The following KAZN variants were observed in gnomAD, a reference collection of about 807,000 sequenced individuals.
KAZN encodes the protein kazrin.
Under a neutral mutation model 87.4 loss-of-function variants are expected in KAZN, and 40 were observed. The observed-to-expected ratio is 0.46, with a 90% CI of 0.36 to 0.60. KAZN has a LOEUF of 0.60. KAZN is among the 20% of genes least tolerant of loss of function. The probability of loss-of-function intolerance (pLI) is 0.00; values close to 1 mark genes in which losing one functional copy is unlikely to be tolerated. For synonymous variants in KAZN, 466 were observed against 458.3 expected, an observed-to-expected ratio of 1.02 and a Z score of -0.22; for missense variants, 898 against 1,073.9, an observed-to-expected ratio of 0.84 and a Z score of 2.29.
intron 1 of KAZN, among the ~76,000 whole-genome samples, chr1:13,946,451 G>A (rs1198251080): frequency 6.6e-6 from 1 of 152,152 alleles, no homozygotes; most frequent in African/African-American, 2.4e-5. Context: ...TGAGGATTAA[G>A]AAGAATCAAG....
rs764691161 is a variant in KAZN, at chr1:14,599,059, A to G, written c.62A>G (p.Gln21Arg). ...RIDGAVQSAS[Q>R]EVTNLRAELT... ...GATGGGGCGGTCCAGTCGGCCAGCCAGGAGGTGACCAACCTGCGAGCCGAA... is the reference window on the plus strand; with the variant it reads ...GATGGGGCGGTCCAGTCGGCCAGCCGGGAGGTGACCAACCTGCGAGCCGAA... Residue 21 changes from glutamine to arginine, a missense_variant, in exon 1 of 15, where the codon CAG becomes CGG. Around this residue, in one of 3 missense-constraint regions of KAZN, gnomAD observed 250 missense variants for 263.0 expected, o/e 0.95. Transcript: ENST00000376030. This position sits in a 1 kb window ranked among gnomAD's most constrained non-coding sequence, Gnocchi z 4.4. 11 of 1,563,660 alleles carry G rather than the reference A, an allele frequency of 7.0e-6. No individual in the cohort carries two copies. The highest frequency in any genetic ancestry group is 2.3e-5 in the South Asian group (2 of 85,758).
chr1:14,453,487 G>A (rs2148335414), intron 2 of KAZN, among the ~76,000 whole-genome samples: 1 of 152,194 alleles, frequency 6.6e-6, no homozygotes, highest in East Asian at 1.9e-4. Flanking sequence ...ACTACTCTAA[G>A]ACATCTGGGA....
chr1:14,595,071 G>A (rs1364027367), upstream of KAZN, among the ~76,000 whole-genome samples: 4 of 152,048 alleles, frequency 2.6e-5, no homozygotes, highest in African/African-American at 2.4e-5. Flanking sequence ...TTGAACCCGG[G>A]AGGCAGAGGT....
intron 1 of KAZN, among the ~76,000 whole-genome samples, chr1:14,007,866 G>C (rs1640103980): frequency 6.6e-6 from 1 of 152,156 alleles, no homozygotes; most frequent in Non-Finnish European, 1.5e-5. Flanking sequence ...GGAAAGGAGT[G>C]TTGGAACAGG....
chr1:14,042,183 G>GT (rs906786159), intron 1 of KAZN, among the ~76,000 whole-genome samples: 3 of 150,990 alleles, frequency 2.0e-5, no homozygotes, highest in African/African-American at 4.9e-5. Context: ...TTTCTCTTCA[G>GT]TTTTTTTTCC....
chr1:15,067,502 T>G, intron 8 of KAZN: 1 of 985,488 alleles, frequency 1.0e-6, no homozygotes, highest in Non-Finnish European at 1.2e-6. Flanking sequence ...ATTCTTTTGC[T>G]TCTGCTCGTC....
At chr1:14,922,811 A>C (rs1245525853) in intron 1 of KAZN, among the ~76,000 whole-genome samples, 2 of 151,318 alleles carry the variant, frequency 1.3e-5, no homozygotes, top group East Asian at 3.9e-4. Context: ...AAAAAAAAAA[A>C]AAGTGCCAGC....
rs570145179 is a variant in KAZN, at chr1:15,103,199, G to A, written c.1780-160G>A. ...GGAGAATTGCTTGAACCTGGGAGGCGGAGGTTGCAGTGAGCACAGATAGCA... is the reference window on the plus strand; with the variant it reads ...GGAGAATTGCTTGAACCTGGGAGGCAGAGGTTGCAGTGAGCACAGATAGCA... On this transcript the variant is annotated intron_variant, in intron 11 of 14. Transcript: ENST00000376030. Among the ~76,000 whole-genome samples, 71 of 152,244 alleles carry A rather than the reference G, an allele frequency of 4.7e-4. 1 individual carries two copies. In the East Asian group the frequency reaches 0.011, roughly 23 times the overall value.
intron 2 of KAZN, among the ~76,000 whole-genome samples, chr1:14,467,177 C>G (rs1485069537): frequency 6.6e-6 from 1 of 151,650 alleles, no homozygotes; most frequent in Admixed American, 6.6e-5. Context: ...ATTAACAGCA[C>G]AAAAGAGGAG....
At chr1:14,943,022 G>GGGGGGGGGGGGGGGGGGGGCC (rs1661300280) in intron 1 of KAZN, among the ~76,000 whole-genome samples, 1 of 121,670 alleles carries the variant, frequency 8.2e-6, no homozygotes, top group African/African-American at 3.0e-5. Flanking sequence ...GTGTGTGTGT[G>GGGGGGGGGGGGGGGGGGGGCC]TGTGTGTGTG....
intron 1 of KAZN, among the ~76,000 whole-genome samples, chr1:14,663,599 A>G (rs548752905): frequency 6.6e-6 from 1 of 152,332 alleles, no homozygotes; most frequent in Non-Finnish European, 1.5e-5. Context: ...AATGAGTTAT[A>G]CCAATTAGGA....
rs72639864 is a variant in KAZN, at chr1:15,066,355, A to T, written c.1222+602A>T. On this transcript the variant is annotated intron_variant, in intron 8 of 14. Coordinates refer to ENST00000376030, the MANE Select transcript of KAZN (RefSeq NM_201628.3). This position sits in a 1 kb window ranked among gnomAD's most constrained non-coding sequence, Gnocchi z 4.3. ...CCCCCCTCCCGCCCCCCTGGTGTGA[A>T]CGTGTGGGACCAGACCCTGTCCTGG... 5.1e-3 allele frequency: 4,696 copies of T among 925,772 alleles called. 87 individuals are homozygous for T. The East Asian group carries it at 0.078, about 15-fold the overall frequency. 57.3% of individuals were successfully genotyped at this position (925,772 alleles called of 1,614,324 possible).
At chr1:14,311,531 G>A (rs768890352) in intron 2 of KAZN, among the ~76,000 whole-genome samples, 39 of 152,248 alleles carry the variant, frequency 2.6e-4, no homozygotes, top group Admixed American at 6.5e-4. Flanking sequence ...AATCAGGACG[G>A]CATCGTGGAG....
At chr1:14,763,960 G>A (rs1203347918) in intron 1 of KAZN, among the ~76,000 whole-genome samples, 1 of 152,078 alleles carries the variant, frequency 6.6e-6, no homozygotes, top group Admixed American at 6.5e-5. Context: ...TGTTGGCCAG[G>A]ATGGTGTCCA....
intron 1 of KAZN, among the ~76,000 whole-genome samples, chr1:14,906,112 A>G (rs1018354076): frequency 6.6e-6 from 1 of 151,372 alleles, no homozygotes; most frequent in African/African-American, 2.4e-5. Context: ...GCTTGCAGTG[A>G]GCCAAGATCA....
intron 2 of KAZN, among the ~76,000 whole-genome samples, chr1:14,509,647 G>T (rs967916683): frequency 6.6e-6 from 1 of 152,170 alleles, no homozygotes; most frequent in Non-Finnish European, 1.5e-5. Flanking sequence ...TGCATCACAC[G>T]CCAGGCCTGT....
chr1:14,082,210 G>A (rs1230473053), intron 1 of KAZN, among the ~76,000 whole-genome samples: 4 of 152,300 alleles, frequency 2.6e-5, no homozygotes, highest in African/African-American at 9.6e-5. Flanking sequence ...TGATCAAGCT[G>A]TGGTTTTGTG....
At chr1:14,262,300 A>C (rs1052153432) in intron 2 of KAZN, among the ~76,000 whole-genome samples, 1 of 152,210 alleles carries the variant, frequency 6.6e-6, no homozygotes, top group African/African-American at 2.4e-5. Flanking sequence ...TAAGTGGTAC[A>C]TAGCTATGGC....
chr1:14,169,125 A>C (rs541911750), intron 1 of KAZN, among the ~76,000 whole-genome samples: 5 of 152,302 alleles, frequency 3.3e-5, no homozygotes, highest in Middle Eastern at 6.8e-3. Flanking sequence ...GGTAACAGAA[A>C]CCAAATGAAG....
Sources: allele counts gnomAD v4.1 joint callset (sites outside exome capture counted in the v4.1 genomes callset), GRCh38; gene constraint gnomAD v4.1.1; regional missense constraint gnomAD v4.1.1; non-coding constraint Gnocchi (gnomAD v3.1); transcripts MANE v1.5; gene names NCBI Gene and HGNC (gene_info 2026-07-23, HGNC 2026-07-21).